Variants in SNX17 observed in about 807,000 individuals in gnomAD.
SNX17 encodes the protein sorting nexin-17.
A neutral mutation model predicts 64.3 loss-of-function variants in SNX17; 35 were observed. The ratio of observed to expected loss-of-function variants is 0.54; its 90% confidence interval spans 0.42 to 0.72. The LOEUF is 0.72. Among genes scored for constraint, SNX17 ranks in the 30% least tolerant of loss-of-function variants. The probability of loss-of-function intolerance (pLI) is 0.00; values close to 1 mark genes in which losing one functional copy is unlikely to be tolerated. For synonymous variants in SNX17, 259 were observed against 230.2 expected (o/e 1.13, Z -1.13); for missense variants, 538 against 610.0 (o/e 0.88, Z 1.24).
At chr2:27,373,731 T>C in intron 4 of SNX17, 130 bp from the exon 5 acceptor site, 1 of 662,914 alleles carries the variant, frequency 1.5e-6, no homozygotes, top group East Asian at 2.7e-5. Flanking sequence ...TCTTATGAAA[T>C]CAAAGAAATC....
At chr2:27,374,549 C>A in intron 7 of SNX17, 116 bp downstream of exon 7, 1 of 1,233,952 alleles carries the variant, frequency 8.1e-7, no homozygotes, top group Non-Finnish European at 1.2e-6. Flanking sequence ...GGTGTTTCTG[C>A]CAGGCCTCCC....
At position 27,370,734 on chromosome 2, in the gene SNX17, C is replaced by G; in HGVS notation, c.-10C>G. On this transcript the variant is annotated 5_prime_UTR_variant, in exon 1 of 15. Transcript: ENST00000233575. Reference sequence around the variant, plus strand: ...AGTCCGGAGCCCGGCCGTGCCGTGCCGTAGGGAACATGCACTTTTCCATTC... The same window carrying G: ...AGTCCGGAGCCCGGCCGTGCCGTGCGGTAGGGAACATGCACTTTTCCATTC... 2 of 1,548,028 alleles carry G rather than the reference C, an allele frequency of 1.3e-6. No homozygotes were observed. The highest frequency in any genetic ancestry group is 1.7e-6 in the Non-Finnish European group (2 of 1,145,588).
chr2:27,376,329 TG>T lies in SNX17; in HGVS notation c.1205del (p.Gly402ValfsTer3). The stretch of plus-strand genomic sequence containing the variant: ...TGTCCCCAGATGCTGCGCCGGCGGG[TG>T]GGGGGTACTCTGAGACGCTCAGACA... Reference protein sequence around the residue: ...GSIRKMLRRRVGGTLRRSDSQ... With the variant: ...GSIRKMLRRRXGGTLRRSDSQ... On this transcript the variant is annotated frameshift_variant, in exon 13 of 15. Transcript: ENST00000233575. LOFTEE classifies it high-confidence loss of function. 2 of 1,610,228 alleles carry T rather than the reference TG, an allele frequency of 1.2e-6. No homozygotes were observed. The highest frequency in any genetic ancestry group is 1.7e-6 in the Non-Finnish European group (2 of 1,177,734).
At chr2:27,374,656 C>T in intron 7 of SNX17, 33 bp from the exon 8 acceptor site, 1 of 1,605,334 alleles carries the variant, frequency 6.2e-7, no homozygotes, top group East Asian at 2.2e-5. Flanking sequence ...CCAGCTTAGC[C>T]CCATTACCCC....
chr2:27,374,633 C>T (rs1558304764), intron 7 of SNX17, 56 bp from the exon 8 acceptor site: 20 of 1,548,734 alleles, frequency 1.3e-5, no homozygotes, highest in Non-Finnish European at 1.8e-6. Flanking sequence ...TCCATTCTAC[C>T]TCTTGCCTTA....
At chr2:27,372,599 G>T (rs879224169) in intron 2 of SNX17, 24 bp from the exon 3 acceptor site, 10 of 1,614,072 alleles carry the variant, frequency 6.2e-6, no homozygotes, top group South Asian at 1.1e-5. Context: ...TTATGTGAAG[G>T]GTTGTATCTC....
rs957333466 is a variant in SNX17, at chr2:27,376,810, T to C, written c.*91T>C. The C allele has an allele frequency of 4.8e-6, 5 of 1,041,924 alleles. No homozygotes were observed. The highest frequency in any genetic ancestry group is 4.8e-5 in the African/African-American group (3 of 63,146). The allele number at this position is 1,041,924 out of a possible 1,614,324, so 64.5% of individuals were successfully genotyped here. Reference sequence around the variant, plus strand: ...GTCCCCCATGCTAGGGGCGGAGGGGTCTTTTCCTTCTTCTTTCCTACCTAC... The same window carrying C: ...GTCCCCCATGCTAGGGGCGGAGGGGCCTTTTCCTTCTTCTTTCCTACCTAC... On this transcript the variant is annotated 3_prime_UTR_variant, in exon 15 of 15. Coordinates refer to ENST00000233575, the MANE Select transcript of SNX17 (RefSeq NM_014748.4).
chr2:27,376,989 G>C lies in SNX17; in HGVS notation c.*270G>C, dbSNP rs1683315502. ...AAAGTCTAAGGGACCATGGCTGCCT[G>C]CCTTGGGGAGGAACCATATCTCCCT... On this transcript the variant is annotated 3_prime_UTR_variant, in exon 15 of 15. Coordinates refer to ENST00000233575, the MANE Select transcript of SNX17 (RefSeq NM_014748.4). The C allele has an allele frequency of 2.1e-6, 1 of 474,568 alleles. No homozygotes were observed. Among genetic ancestry groups the C allele is most frequent in the African/African-American group, 2.0e-5 (1 of 51,030 alleles). 29.4% of individuals were successfully genotyped at this position (474,568 alleles called of 1,614,324 possible).
At chr2:27,371,123 A>G in intron 1 of SNX17, 146 bp from the exon 2 acceptor site, 1 of 768,844 alleles carries the variant, frequency 1.3e-6, no homozygotes, top group Non-Finnish European at 2.2e-6. Context: ...CAGCTTTGGG[A>G]CTTGGCCCTG....
At chr2:27,374,322 C>A (rs773718725) in intron 6 of SNX17, 24 bp from the exon 7 acceptor site, 2 of 1,525,612 alleles carry the variant, frequency 1.3e-6, no homozygotes, top group Non-Finnish European at 1.8e-6. Flanking sequence ...ACTATATTTT[C>A]ATTTTTTTTT....
intron 2 of SNX17, among the ~76,000 whole-genome samples, chr2:27,372,017 T>A (rs189113986): frequency 5.9e-5 from 9 of 152,330 alleles, no homozygotes; most frequent in African/African-American, 2.2e-4. Context: ...CCTGAGTAGC[T>A]GGGATTACAG....
At chr2:27,370,870 C>A (rs909825288) in intron 1 of SNX17, 64 bp downstream of exon 1, 3 of 1,505,672 alleles carry the variant, frequency 2.0e-6, no homozygotes, top group East Asian at 2.5e-5. Context: ...CGAGCCATCT[C>A]GGAGCGGCCT....
rs780683417 is a variant in SNX17, at chr2:27,375,011, T to C, written c.682-50T>C. ...CAGAGGTAATGGTAGACGCTTTCCT[T>C]GGATTGCTGACTGGGACCTCCTACT... On this transcript the variant is annotated intron_variant, in intron 8 of 14. Transcript: ENST00000233575. The surrounding 1 kb of genome is among the most constrained non-coding windows in gnomAD (Gnocchi z 4.1). 4.2e-5 allele frequency: 65 copies of C among 1,543,534 alleles called. No individual in the cohort carries two copies. The Admixed American group carries it at 4.3e-4, about 10-fold the overall frequency.
chr2:27,371,217 G>C (rs774165834), intron 1 of SNX17, 52 bp from the exon 2 acceptor site: 8 of 1,532,412 alleles, frequency 5.2e-6, no homozygotes, highest in Admixed American at 1.7e-5. Context: ...GGTTCTCAGG[G>C]GGGTTGCGCA....
Position 27,377,162 on chromosome 2 carries a change from C to T in SNX17, c.*443C>T. On this transcript the variant is annotated 3_prime_UTR_variant, in exon 15 of 15. Transcript: ENST00000233575. This position sits in a 1 kb window ranked among gnomAD's most constrained non-coding sequence, Gnocchi z 4.4. ...TCCCTCTCACTGCCCCTGCTTCCCC[C>T]ATCACAGCATGGACTACTATGCTAA... 1 of 427,424 alleles carries T rather than the reference C, an allele frequency of 2.3e-6. No homozygotes were observed. The highest frequency in any genetic ancestry group is 2.0e-5 in the African/African-American group (1 of 49,706). 26.5% of individuals were successfully genotyped at this position (427,424 alleles called of 1,614,324 possible).
chr2:27,376,335 G>T lies in SNX17; in HGVS notation c.1205G>T (p.Gly402Val). Reference sequence around the variant, plus strand: ...CAGATGCTGCGCCGGCGGGTGGGGGGTACTCTGAGACGCTCAGACAGCCAG... The same window carrying T: ...CAGATGCTGCGCCGGCGGGTGGGGGTTACTCTGAGACGCTCAGACAGCCAG... Reference protein sequence around the residue: ...IRKMLRRRVGGTLRRSDSQQA... With the variant: ...IRKMLRRRVGVTLRRSDSQQA... The change falls in exon 13 of 15, where the codon GGT (glycine) becomes GTT (valine). Residue 402 changes from glycine (G) to valine (V), a missense_variant. Transcript: ENST00000233575. The T allele has an allele frequency of 6.2e-7, 1 of 1,612,304 alleles. No individual in the cohort carries two copies. Among genetic ancestry groups the T allele is most frequent in the Non-Finnish European group, 8.5e-7 (1 of 1,178,752 alleles).
At position 27,375,675 on chromosome 2, in the gene SNX17, T is replaced by A. The variant is rs542134101; in HGVS notation, c.944T>A (p.Val315Asp). Residue 315 changes from valine to aspartate, a missense_variant, in exon 10 of 15, where the codon GTC (valine) becomes GAC (aspartate). By Grantham distance (152) the Val-to-Asp change is radical (BLOSUM62 -3). Around this residue, in one of 3 missense-constraint regions of SNX17, gnomAD observed 505 missense variants for 550.4 expected, o/e 0.92. Transcript: ENST00000233575. This position sits in a 1 kb window ranked among gnomAD's most constrained non-coding sequence, Gnocchi z 4.1. ...CAACTCCGAGAAGGCTCCTTCCGGG[T>A]CACCCGCATGCGATGCTGGCGGGTC... ...GQQLREGSFRVTRMRCWRVTS... is the reference protein window; with the variant it reads ...GQQLREGSFRDTRMRCWRVTS... 1 of 1,614,026 alleles carries A rather than the reference T, an allele frequency of 6.2e-7. No individual in the cohort carries two copies. The highest frequency in any genetic ancestry group is 1.1e-5 in the South Asian group (1 of 91,052).
Position 27,375,431 on chromosome 2 carries a change from C to A in SNX17, c.775-75C>A. The A allele has an allele frequency of 6.5e-7, 1 of 1,536,124 alleles. No homozygotes were observed. The highest frequency in any genetic ancestry group is 9.0e-7 in the Non-Finnish European group (1 of 1,115,596). On this transcript the variant is annotated intron_variant, in intron 9 of 14. Coordinates refer to ENST00000233575, the MANE Select transcript of SNX17 (RefSeq NM_014748.4). The surrounding 1 kb of genome is among the most constrained non-coding windows in gnomAD (Gnocchi z 4.1). ...GGGATTATAGGCATGAGCCACCGCG[C>A]CCGACCGGGGTTGCTTTTTCTGAGC...
intron 8 of SNX17, 123 bp from the exon 9 acceptor site, chr2:27,374,938 C>A: frequency 1.0e-6 from 1 of 996,464 alleles, no homozygotes; most frequent in Non-Finnish European, 1.6e-6. Context: ...AGATCAAGGA[C>A]TTACTGCAGA....
Sources: allele counts gnomAD v4.1 joint callset (sites outside exome capture counted in the v4.1 genomes callset), GRCh38; gene constraint gnomAD v4.1.1; regional missense constraint gnomAD v4.1.1; non-coding constraint Gnocchi (gnomAD v3.1); transcripts MANE v1.5; gene names NCBI Gene and HGNC (gene_info 2026-07-23, HGNC 2026-07-21).